The following PRKAG2 variants were observed in gnomAD, a reference collection of about 807,000 sequenced individuals.
PRKAG2 encodes protein kinase AMP-activated non-catalytic subunit gamma 2.
In PRKAG2, 26 loss-of-function variants were observed where a neutral mutation model predicts 69.6. The observed-to-expected ratio is 0.37, with a 90% confidence interval of 0.27 to 0.52. The LOEUF (loss-of-function observed/expected upper bound fraction) is 0.52. Ranked by LOEUF, PRKAG2 falls within the 20% of genes least tolerant of loss-of-function variation. The pLI, the probability that PRKAG2 is intolerant of heterozygous loss-of-function variation, is 0.90. For missense variants in PRKAG2, 557 were observed against 740.0 expected, an observed-to-expected ratio of 0.75 and a Z score of 2.87; for synonymous variants, 293 against 285.0, an observed-to-expected ratio of 1.03 and a Z score of -0.28.
intron 1 of PRKAG2, among the ~76,000 whole-genome samples, chr7:151,837,797 G>T (rs1264642710): frequency 6.6e-6 from 1 of 152,246 alleles, no homozygotes. Context: ...CTCCCCTACC[G>T]AGTGGGCCTG....
intron 6 of PRKAG2, among the ~76,000 whole-genome samples, chr7:151,581,545 G>C (rs562137208): frequency 6.6e-6 from 1 of 152,166 alleles, no homozygotes; most frequent in East Asian, 1.9e-4. Flanking sequence ...GAGCACAGTG[G>C]ACATCTACAC....
At chr7:151,643,331 T>A (rs913109517) in intron 4 of PRKAG2, among the ~76,000 whole-genome samples, 1 of 152,250 alleles carries the variant, frequency 6.6e-6, no homozygotes, top group Non-Finnish European at 1.5e-5. Context: ...TATATTAGAA[T>A]GCAATGTACA....
chr7:151,590,746 CA>C (rs1812892302), intron 6 of PRKAG2, among the ~76,000 whole-genome samples: 2 of 152,352 alleles, frequency 1.3e-5, no homozygotes, highest in African/African-American at 4.8e-5. Context: ...TGCCATTTCA[CA>C]GCTGCAGAAA....
rs727504618 is a variant in PRKAG2, at chr7:151,595,402, C to G, written c.807G>C (p.Lys269Asn). The G allele has an allele frequency of 6.2e-7, 1 of 1,614,042 alleles. No homozygotes were observed. The highest frequency in any genetic ancestry group is 1.3e-5 in the African/African-American group (1 of 75,018). ...GVYMRFMRSH[K>N]CYDIVPTSSK... ...AACTGGTTGGAACGATGTCATAACA[C>G]TTGTGTGACCTCATGAATCGCATGT... Residue 269 changes from lysine (K) to asparagine (N), a missense_variant, in exon 6 of 16, where the codon AAG (lysine) becomes AAC (asparagine). This residue lies in a region of PRKAG2 where 205 missense variants were observed against 383.4 expected (regional missense o/e 0.53). Transcript: ENST00000287878.
intron 1 of PRKAG2, among the ~76,000 whole-genome samples, chr7:151,791,228 A>G (rs2077261598): frequency 1.3e-5 from 2 of 152,144 alleles, no homozygotes; most frequent in African/African-American, 2.4e-5. Flanking sequence ...AACATCACGC[A>G]TCTTGGGGCC....
chr7:151,605,566 G>A lies in PRKAG2; in HGVS notation c.755-10112C>T, dbSNP rs145272982. ...ATCCTGGGCAACATGGCGAAACCCC[G>A]TCTCTACTAAAAATACAAAAATTAG... On this transcript the variant is annotated intron_variant, in intron 5 of 15. Transcript: ENST00000287878. Among the ~76,000 whole-genome samples, 1,220 of 150,900 alleles carry A rather than the reference G, an allele frequency of 8.1e-3. 21 individuals carry two copies. Among genetic ancestry groups the A allele is most frequent in the Middle Eastern group, 0.031 (9 of 290 alleles).
intron 6 of PRKAG2, among the ~76,000 whole-genome samples, 169 bp from the exon 7 acceptor site, chr7:151,576,621 C>T (rs763243360): frequency 1.2e-4 from 18 of 152,184 alleles, no homozygotes; most frequent in Non-Finnish European, 2.6e-4. Flanking sequence ...TCACCTCAGC[C>T]TCCCGAGTAG....
At chr7:151,745,032 T>C (rs1177659933) in intron 3 of PRKAG2, among the ~76,000 whole-genome samples, 2 of 152,168 alleles carry the variant, frequency 1.3e-5, no homozygotes, top group African/African-American at 2.4e-5. Context: ...CTTGTGGGAT[T>C]GTGGGGGTCG....
intron 1 of PRKAG2, among the ~76,000 whole-genome samples, chr7:151,787,616 G>T (rs1172149423): frequency 6.6e-6 from 1 of 152,120 alleles, no homozygotes; most frequent in Non-Finnish European, 1.5e-5. Context: ...ATGGACATTT[G>T]GGTTGCTTCT....
At chr7:151,724,110 T>C (rs1463905015) in intron 3 of PRKAG2, among the ~76,000 whole-genome samples, 1 of 152,176 alleles carries the variant, frequency 6.6e-6, no homozygotes, top group Non-Finnish European at 1.5e-5. Context: ...CTTTGCCCTA[T>C]GTATAGAAGC....
intron 3 of PRKAG2, among the ~76,000 whole-genome samples, chr7:151,706,597 C>G (rs1343381331): frequency 1.3e-5 from 2 of 152,164 alleles, no homozygotes; most frequent in Non-Finnish European, 2.9e-5. Flanking sequence ...CTGCTTTGAG[C>G]AGGTGTGCAC....
intron 3 of PRKAG2, among the ~76,000 whole-genome samples, chr7:151,725,225 C>T (rs1480878835): frequency 6.6e-6 from 1 of 152,096 alleles, no homozygotes; most frequent in East Asian, 1.9e-4. Context: ...GATCCTGCCA[C>T]CCGCCACCCA....
intron 1 of PRKAG2, among the ~76,000 whole-genome samples, chr7:151,849,988 C>T (rs1355560721): frequency 6.6e-6 from 1 of 152,210 alleles, no homozygotes; most frequent in African/African-American, 2.4e-5. Flanking sequence ...TCCTGCCCAG[C>T]CCGCAGCACG....
Position 151,557,090 on chromosome 7 carries a change from G to A in PRKAG2, c.*111C>T. 4 of 1,533,142 alleles carry A rather than the reference G, an allele frequency of 2.6e-6. No individual in the cohort carries two copies. Among genetic ancestry groups the A allele is most frequent in the Non-Finnish European group, 3.6e-6 (4 of 1,108,064 alleles). The allele number at this position is 1,533,142 out of a possible 1,614,324, so 95.0% of individuals were successfully genotyped here. A position where few individuals can be genotyped will look rare whatever the true frequency, so the allele number is the denominator to read the frequency against. ...AACATCACTGGAAGAAATACCTATT[G>A]TTAAACCCTGATATACATTCTTAAC... On this transcript the variant is annotated 3_prime_UTR_variant, in exon 16 of 16. Coordinates refer to ENST00000287878, the MANE Select transcript of PRKAG2 (RefSeq NM_016203.4).
At chr7:151,590,277 A>G (rs1812736004) in intron 6 of PRKAG2, among the ~76,000 whole-genome samples, 1 of 152,254 alleles carries the variant, frequency 6.6e-6, no homozygotes, top group Non-Finnish European at 1.5e-5. Context: ...CCACAGACAG[A>G]GAACCCAACA....
At chr7:151,849,736 G>A (rs533981851) in intron 1 of PRKAG2, among the ~76,000 whole-genome samples, 122 of 152,204 alleles carry the variant, frequency 8.0e-4, no homozygotes, top group Non-Finnish European at 1.0e-3. Context: ...CTGTCCCATG[G>A]CCTGCTCCCC....
intron 1 of PRKAG2, 88 bp downstream of exon 1, chr7:151,876,419 C>T (rs1010668051): frequency 1.3e-5 from 17 of 1,313,338 alleles, no homozygotes; most frequent in Middle Eastern, 2.5e-4. Context: ...GCACGGCGCG[C>T]GCGGGGCGTC....
At chr7:151,573,818 G>A (rs75785240) in intron 8 of PRKAG2, among the ~76,000 whole-genome samples, 30,407 of 152,020 alleles carry the variant, frequency 0.2, 3,783 homozygotes, top group East Asian at 0.43. Flanking sequence ...TCCCTCTGTC[G>A]CCCAGGCTGG....
At chr7:151,561,894 C>T (rs1227019479) in intron 14 of PRKAG2, among the ~76,000 whole-genome samples, 4 of 144,416 alleles carry the variant, frequency 2.8e-5, no homozygotes, top group Non-Finnish European at 6.0e-5. Flanking sequence ...GATCGTGCCA[C>T]TGCACTCCAG....
Sources: allele counts gnomAD v4.1 joint callset (sites outside exome capture counted in the v4.1 genomes callset), GRCh38; gene constraint gnomAD v4.1.1; regional missense constraint gnomAD v4.1.1; transcripts MANE v1.5; gene names NCBI Gene and HGNC (gene_info 2026-07-23, HGNC 2026-07-21).